Variants in AGBL4 observed in about 807,000 individuals in gnomAD.
The protein encoded by AGBL4 is AGBL carboxypeptidase 4.
In AGBL4, 58 loss-of-function variants were observed where a neutral mutation model predicts 66.4. The observed-to-expected ratio is 0.87, with a 90% CI of 0.71 to 1.09. The LOEUF is 1.09. Among genes scored for constraint, AGBL4 ranks in the 50% least tolerant of loss-of-function variants. The pLI is 0.00. For missense variants in AGBL4, 579 were observed against 631.0 expected, an observed-to-expected ratio of 0.92 and a Z score of 0.88; for synonymous variants, 234 against 222.9, an observed-to-expected ratio of 1.05 and a Z score of -0.44.
At chr1:49,583,552 T>TG (rs1558074895) in intron 3 of AGBL4, among the ~76,000 whole-genome samples, 1 of 151,852 alleles carries the variant, frequency 6.6e-6, no homozygotes, top group African/African-American at 2.4e-5. Context: ...GCATCAGAAA[T>TG]GGGGGGCAGT....
At chr1:49,573,373 C>T (rs187947353) in intron 3 of AGBL4, among the ~76,000 whole-genome samples, 5 of 152,190 alleles carry the variant, frequency 3.3e-5, no homozygotes, top group African/African-American at 1.2e-4. Flanking sequence ...GTATGGAGAA[C>T]ACTGATAGTC....
intron 2 of AGBL4, among the ~76,000 whole-genome samples, chr1:49,836,477 G>A (rs1055499628): frequency 6.6e-6 from 1 of 152,058 alleles, no homozygotes; most frequent in Non-Finnish European, 1.5e-5. Flanking sequence ...CAATTCCTCT[G>A]TCCTTTTTGC....
At chr1:49,846,403 C>A in intron 2 of AGBL4, 2 of 1,536,338 alleles carry the variant, frequency 1.3e-6, no homozygotes, top group Non-Finnish European at 1.8e-6. Flanking sequence ...CTGGATAAAC[C>A]CACTCCACAT....
At chr1:48,592,770 T>C (rs1644937679) in intron 9 of AGBL4, among the ~76,000 whole-genome samples, 1 of 152,194 alleles carries the variant, frequency 6.6e-6, no homozygotes, top group Non-Finnish European at 1.5e-5. Context: ...AGACCTGCTC[T>C]GAGTGGGGAG....
At chr1:48,573,962 T>G (rs1644609447) in intron 11 of AGBL4, among the ~76,000 whole-genome samples, 1 of 152,162 alleles carries the variant, frequency 6.6e-6, no homozygotes, top group African/African-American at 2.4e-5. Flanking sequence ...TCAGAGAGAT[T>G]AGGTCACTTG....
At chr1:49,989,801 T>A (rs1659788351) in intron 1 of AGBL4, among the ~76,000 whole-genome samples, 2 of 152,190 alleles carry the variant, frequency 1.3e-5, no homozygotes, top group African/African-American at 4.8e-5. Flanking sequence ...CAGAAATTTT[T>A]AAAATATTCT....
At chr1:49,005,843 A>G (rs1322527477) in intron 5 of AGBL4, among the ~76,000 whole-genome samples, 1 of 152,120 alleles carries the variant, frequency 6.6e-6, no homozygotes. Flanking sequence ...TCTACTAAAA[A>G]TACAAAAATT....
At chr1:49,971,981 G>A (rs1201199186) in intron 1 of AGBL4, among the ~76,000 whole-genome samples, 4 of 123,182 alleles carry the variant, frequency 3.2e-5, no homozygotes, top group Non-Finnish European at 6.4e-5. Context: ...GCAGTGGCAC[G>A]GTCTCGGCTC....
intron 2 of AGBL4, among the ~76,000 whole-genome samples, chr1:49,833,067 C>T (rs1331478198): frequency 6.6e-6 from 1 of 152,018 alleles, no homozygotes; most frequent in Non-Finnish European, 1.5e-5. Flanking sequence ...AAGTCCTTGC[C>T]CGTGCCTATG....
intron 3 of AGBL4, among the ~76,000 whole-genome samples, chr1:49,285,140 T>G (rs1242220363): frequency 6.6e-6 from 1 of 151,966 alleles, no homozygotes; most frequent in African/African-American, 2.4e-5. Context: ...CCTCAGCAAA[T>G]GTAAAAGAAC....
rs367669573 is a variant in AGBL4, at chr1:48,961,276, G to C, written c.594+84308C>G. Among the ~76,000 whole-genome samples, 26 of 152,314 alleles carry C rather than the reference G, an allele frequency of 1.7e-4. 1 individual carries two copies. Among genetic ancestry groups the C allele is most frequent in the African/African-American group, 6.0e-4 (25 of 41,558 alleles). On this transcript the variant is annotated intron_variant, in intron 5 of 13. Transcript: ENST00000371839. ...AAATATTCTGGGCTATTCATTTCCT[G>C]AGCATAAATCATGGAAGTGGCAGCT...
At chr1:49,959,161 A>T (rs2148339857) in intron 1 of AGBL4, among the ~76,000 whole-genome samples, 1 of 152,110 alleles carries the variant, frequency 6.6e-6, no homozygotes, top group East Asian at 1.9e-4. Context: ...CAAATCAGAT[A>T]GTATTTGTGG....
chr1:48,707,413 C>A (rs1223450697), intron 6 of AGBL4, among the ~76,000 whole-genome samples: 2 of 152,168 alleles, frequency 1.3e-5, no homozygotes. Flanking sequence ...GAGCCCCACT[C>A]AGAGCCATAA....
intron 2 of AGBL4, among the ~76,000 whole-genome samples, chr1:49,748,870 T>TA (rs1164170597): frequency 6.6e-6 from 1 of 152,214 alleles, no homozygotes; most frequent in Admixed American, 6.5e-5. Context: ...TTTTTTCTTG[T>TA]AAATGTGTTT....
chr1:48,981,333 G>A (rs931853143), intron 5 of AGBL4, among the ~76,000 whole-genome samples: 21 of 152,126 alleles, frequency 1.4e-4, no homozygotes, highest in Non-Finnish European at 2.2e-4. Flanking sequence ...CTTTATATAT[G>A]TTCTAAGGAC....
At chr1:48,787,921 T>A (rs1049810757) in intron 6 of AGBL4, among the ~76,000 whole-genome samples, 3 of 152,220 alleles carry the variant, frequency 2.0e-5, no homozygotes, top group Non-Finnish European at 4.4e-5. Flanking sequence ...TTTGGCCACA[T>A]TGCTGGGCCA....
At chr1:49,831,821 G>A (rs947248157) in intron 2 of AGBL4, among the ~76,000 whole-genome samples, 1 of 151,982 alleles carries the variant, frequency 6.6e-6, no homozygotes, top group Non-Finnish European at 1.5e-5. Context: ...TAGCATTAAG[G>A]GGTGTTGAAT....
chr1:49,517,204 T>C (rs1459610797), intron 3 of AGBL4, among the ~76,000 whole-genome samples: 1 of 151,124 alleles, frequency 6.6e-6, no homozygotes, highest in Non-Finnish European at 1.5e-5. Flanking sequence ...TCAAGGACAA[T>C]GAGAGTATTG....
intron 6 of AGBL4, among the ~76,000 whole-genome samples, chr1:48,840,256 G>T (rs78251568): frequency 0.036 from 5,532 of 152,136 alleles, 337 homozygotes; most frequent in African/African-American, 0.13. Context: ...GAATACCTCT[G>T]TGTATAAGAC....
Sources: gnomAD v4.1 joint callset for allele counts (sites outside exome capture counted in the v4.1 genomes callset) on GRCh38, gnomAD v4.1.1 for gene constraint, MANE v1.5 for transcripts, NCBI Gene and HGNC (gene_info 2026-07-23, HGNC 2026-07-21) for gene names.